The following SIN3A variants were observed in gnomAD, a reference collection of about 807,000 sequenced individuals.
The protein encoded by SIN3A is SIN3 transcription regulator family member A.
Under a neutral mutation model 146.1 loss-of-function variants are expected in SIN3A, and 14 were observed. That is an observed-to-expected ratio of 0.10 (90% CI 0.06 to 0.15). The LOEUF (loss-of-function observed/expected upper bound fraction) is 0.15. Among genes scored for constraint, SIN3A ranks in the 10% least tolerant of loss-of-function variants. The pLI is 1.00. For synonymous variants in SIN3A, 572 were observed against 572.0 expected (o/e 1.00, Z 0.00); for missense variants, 1,028 against 1,576.0 (o/e 0.65, Z 5.89).
In SIN3A at chr15:75,409,904, G is replaced by A. The variant is rs776511019; in HGVS notation, c.1249C>T (p.Pro417Ser). Reference protein sequence around the residue: ...TVKKPQLNNKPQRPSQNGCQI... With the variant: ...TVKKPQLNNKSQRPSQNGCQI... ...CAGCCATTCTGGCTGGGCCTCTGCG[G>A]CTTGTTGTTCAGTTGGGGCTTCTTG... is the stretch of plus-strand genomic sequence containing the variant. Residue 417 changes from proline to serine, a missense_variant, in exon 8 of 21, where the codon CCG becomes TCG. By Grantham distance (74) the Pro-to-Ser change is moderately conservative (BLOSUM62 -1). This residue lies in a region of SIN3A where 62 missense variants were observed against 63.5 expected (regional missense o/e 0.98). Coordinates refer to ENST00000394947, the MANE Select transcript of SIN3A (RefSeq NM_001145358.2). 4.3e-6 allele frequency: 7 copies of A among 1,613,856 alleles called. No homozygotes were observed. Among genetic ancestry groups the A allele is most frequent in the Non-Finnish European group, 5.9e-6 (7 of 1,180,036 alleles).
chr15:75,423,085 G>A (rs1390340861), intron 2 of SIN3A, among the ~76,000 whole-genome samples: 2 of 151,866 alleles, frequency 1.3e-5, no homozygotes, highest in African/African-American at 4.8e-5. Context: ...AGAAAAGAAA[G>A]CCTGGGCAAC....
At chr15:75,393,311 G>C (rs555111631) in intron 14 of SIN3A, among the ~76,000 whole-genome samples, 1 of 152,286 alleles carries the variant, frequency 6.6e-6, no homozygotes, top group African/African-American at 2.4e-5. Context: ...GACGTGGTTT[G>C]ATGTCAAAAT....
rs370627995 is a variant in SIN3A at position 75,435,779 on chromosome 15, T to C, written c.-33-5371A>G. Among the ~76,000 whole-genome samples, 3 of 151,738 alleles carry C rather than the reference T, an allele frequency of 2.0e-5. No individual in the cohort carries two copies. The East Asian group carries it at 5.8e-4, about 29-fold the overall frequency. The stretch of plus-strand genomic sequence containing the variant: ...GATCTCATGTATGTATATATACACA[T>C]ACAAAATGTACTAAAGATTTGTACA... On this transcript the variant is annotated intron_variant, in intron 1 of 20. Coordinates refer to ENST00000394947, the MANE Select transcript of SIN3A (RefSeq NM_001145358.2).
chr15:75,381,331 G>A (rs546875099), intron 18 of SIN3A, among the ~76,000 whole-genome samples: 7 of 152,134 alleles, frequency 4.6e-5, no homozygotes, highest in Non-Finnish European at 7.4e-5. Flanking sequence ...CTCATTTGTT[G>A]TTTTTTATAC....
intron 1 of SIN3A, among the ~76,000 whole-genome samples, chr15:75,435,698 C>CAA (rs59093415): frequency 3.8e-4 from 22 of 57,250 alleles, no homozygotes; most frequent in African/African-American, 7.5e-4. Context: ...AACTACGTCT[C>CAA]AAAAAAAAAA....
At chr15:75,433,301 C>T (rs2074046905) in intron 1 of SIN3A, among the ~76,000 whole-genome samples, 1 of 152,128 alleles carries the variant, frequency 6.6e-6, no homozygotes, top group Admixed American at 6.5e-5. Context: ...TTAGTGATTT[C>T]CAAATGCTGG....
At chr15:75,397,988 T>G (rs1050081491) in intron 12 of SIN3A, among the ~76,000 whole-genome samples, 1 of 152,208 alleles carries the variant, frequency 6.6e-6, no homozygotes, top group Non-Finnish European at 1.5e-5. Context: ...GGGGCAAAGA[T>G]GGCCAACCAC....
At chr15:75,407,773 G>C (rs964203497) in intron 8 of SIN3A, among the ~76,000 whole-genome samples, 1 of 150,920 alleles carries the variant, frequency 6.6e-6, no homozygotes, top group African/African-American at 2.4e-5. Context: ...TGCGCCTATG[G>C]TCCCAGCTAC....
At chr15:75,377,514 A>G (rs1273961917) in intron 19 of SIN3A, among the ~76,000 whole-genome samples, 1 of 151,928 alleles carries the variant, frequency 6.6e-6, no homozygotes, top group African/African-American at 2.4e-5. Flanking sequence ...AATCCCAGCT[A>G]TTCGGGAGGG....
intron 1 of SIN3A, among the ~76,000 whole-genome samples, chr15:75,446,961 T>A (rs2074318905): frequency 6.6e-6 from 1 of 152,016 alleles, no homozygotes; most frequent in South Asian, 2.1e-4. Context: ...TTTTTTTTAG[T>A]GGAGACCATG....
chr15:75,417,779 A>G (rs2073768059), intron 3 of SIN3A, among the ~76,000 whole-genome samples: 1 of 152,210 alleles, frequency 6.6e-6, no homozygotes, highest in South Asian at 2.1e-4. Context: ...CAAAATTCTT[A>G]CATCGAAACT....
chr15:75,410,410 G>A, intron 6 of SIN3A, 124 bp from the exon 7 acceptor site: 1 of 934,868 alleles, frequency 1.1e-6, no homozygotes, highest in Middle Eastern at 2.5e-4. Context: ...TATGTTCTTA[G>A]CACCCGTTCT....
intron 2 of SIN3A, 79 bp from the exon 3 acceptor site, chr15:75,422,902 A>C: frequency 1.4e-6 from 2 of 1,404,448 alleles, no homozygotes; most frequent in Non-Finnish European, 2.0e-6. Context: ...ACTAACACAA[A>C]TGCACAAAGA....
At chr15:75,412,051 A>T (rs1201317226) in intron 5 of SIN3A, among the ~76,000 whole-genome samples, 77 of 152,256 alleles carry the variant, frequency 5.1e-4, no homozygotes, top group Non-Finnish European at 1.8e-4. Context: ...TACACATAGA[A>T]AAAATCTCAT....
chr15:75,372,448 G>A (rs955509223), intron 20 of SIN3A, among the ~76,000 whole-genome samples: 3 of 152,028 alleles, frequency 2.0e-5, no homozygotes, highest in Non-Finnish European at 2.9e-5. Context: ...AAAGAAATGC[G>A]AACACAGGCT....
At chr15:75,418,276 C>T (rs1057130224) in intron 3 of SIN3A, among the ~76,000 whole-genome samples, 2 of 151,810 alleles carry the variant, frequency 1.3e-5, no homozygotes, top group Non-Finnish European at 2.9e-5. Context: ...GTGATCCGCC[C>T]GCCTCGGCCT....
chr15:75,380,408 G>A (rs2072942132), intron 19 of SIN3A, among the ~76,000 whole-genome samples: 1 of 152,178 alleles, frequency 6.6e-6, no homozygotes, highest in Admixed American at 6.5e-5. Flanking sequence ...AAAGTACGGA[G>A]GTTATTGTTG....
At chr15:75,440,804 AG>A (rs1421997952) in intron 1 of SIN3A, among the ~76,000 whole-genome samples, 2 of 151,900 alleles carry the variant, frequency 1.3e-5, no homozygotes, top group Non-Finnish European at 2.9e-5. Context: ...AACAAGGTGA[AG>A]CCCCGTCTTT....
chr15:75,412,792 G>T lies in SIN3A; in HGVS notation c.727C>A (p.Pro243Thr). 6.3e-7 allele frequency: 1 copy of T among 1,598,902 alleles called. No homozygotes were observed. Among genetic ancestry groups the T allele is most frequent in the Non-Finnish European group, 8.5e-7 (1 of 1,170,630 alleles). Residue 243 changes from proline (P) to threonine (T), a missense_variant, in exon 5 of 21, where the codon CCT (proline) becomes ACT (threonine). Transcript: ENST00000394947. Reference sequence around the variant, plus strand: ...CTGACTTTGGCAGGTGGGGGCTGAGGAGCTGGCTGGGCAGGAGCTGGGGCT... The same window carrying T: ...CTGACTTTGGCAGGTGGGGGCTGAGTAGCTGGCTGGGCAGGAGCTGGGGCT... ...QSAPAPAQPA[P>T]QPPPAKVSKP...
Sources: gnomAD v4.1 joint callset for allele counts (sites outside exome capture counted in the v4.1 genomes callset) on GRCh38, gnomAD v4.1.1 for gene constraint, gnomAD v4.1.1 regional missense constraint, MANE v1.5 for transcripts, NCBI Gene and HGNC (gene_info 2026-07-23, HGNC 2026-07-21) for gene names.